The following PRKAR1B variants were observed in gnomAD, a reference collection of about 807,000 sequenced individuals.
PRKAR1B encodes the protein protein kinase cAMP-dependent type I regulatory subunit beta, also known as cAMP-dependent protein kinase type I-beta regulatory subunit.
PRKAR1B carries 22 observed loss-of-function variants against 46.5 expected under a neutral mutation model. The ratio of observed to expected loss-of-function variants is 0.47; its 90% CI spans 0.34 to 0.68. The LOEUF is 0.68. Ranked by LOEUF, PRKAR1B falls within the 30% of genes least tolerant of loss-of-function variation. The pLI is 0.01. For missense variants in PRKAR1B, 445 were observed against 535.6 expected (o/e 0.83, Z 1.67); for synonymous variants, 259 against 217.7 (o/e 1.19, Z -1.67).
intron 4 of PRKAR1B, among the ~76,000 whole-genome samples, chr7:657,502 C>T (rs1449417390): frequency 1.3e-5 from 2 of 152,152 alleles, no homozygotes; most frequent in Admixed American, 1.3e-4. Flanking sequence ...CAGAGGACTT[C>T]GTGTCTCTGG....
At chr7:561,274 GCACA>G (rs201104071) in intron 9 of PRKAR1B, among the ~76,000 whole-genome samples, 116 of 150,222 alleles carry the variant, frequency 7.7e-4, no homozygotes, top group African/African-American at 1.5e-3. Flanking sequence ...ACACGCCTGT[GCACA>G]CACACACACA....
intron 2 of PRKAR1B, among the ~76,000 whole-genome samples, chr7:688,345 G>A (rs151171049): frequency 5.8e-4 from 85 of 147,262 alleles, no homozygotes; most frequent in Admixed American, 8.8e-4. Context: ...TGGAGGTTGC[G>A]GTGAGCCAAG....
At chr7:664,318 C>T (rs1785784611) in intron 4 of PRKAR1B, among the ~76,000 whole-genome samples, 1 of 152,218 alleles carries the variant, frequency 6.6e-6, no homozygotes, top group Non-Finnish European at 1.5e-5. Context: ...CGACACAGCA[C>T]AGTGGCCAGT....
intron 2 of PRKAR1B, among the ~76,000 whole-genome samples, chr7:700,339 C>T (rs1432429585): frequency 1.3e-5 from 2 of 152,192 alleles, no homozygotes; most frequent in African/African-American, 2.4e-5. Context: ...GCATGGACCT[C>T]GTCAATTGAT....
At chr7:712,329 G>C (rs1468538872) in intron 1 of PRKAR1B, 1 of 147,358 alleles carries the variant, frequency 6.8e-6, no homozygotes, top group Admixed American at 6.7e-5. Context: ...TCCCGGCGGG[G>C]CCGAACCCTT....
chr7:712,914 G>C, intron 1 of PRKAR1B: 1 of 152,462 alleles, frequency 6.6e-6, no homozygotes, highest in Admixed American at 6.5e-5. Context: ...CGTTCCCTGG[G>C]GTCTCACTCT....
At chr7:638,505 A>G (rs1359361031) in intron 4 of PRKAR1B, among the ~76,000 whole-genome samples, 1 of 152,194 alleles carries the variant, frequency 6.6e-6, no homozygotes, top group Non-Finnish European at 1.5e-5. Flanking sequence ...CACGGGGCAC[A>G]GGGCTCTCTC....
At chr7:685,701 A>C (rs1779058282) in intron 2 of PRKAR1B, among the ~76,000 whole-genome samples, 1 of 151,976 alleles carries the variant, frequency 6.6e-6, no homozygotes, top group Non-Finnish European at 1.5e-5. Context: ...ATACTAGAGG[A>C]CAATGAAACG....
intron 8 of PRKAR1B, among the ~76,000 whole-genome samples, chr7:582,215 C>T (rs1273470623): frequency 6.6e-6 from 1 of 152,266 alleles, no homozygotes; most frequent in Non-Finnish European, 1.5e-5. Context: ...ACTTGCAGCT[C>T]CCATGTGGGC....
At chr7:606,097 G>A (rs935596581) in intron 6 of PRKAR1B, 96 bp downstream of exon 6, 12 of 1,174,298 alleles carry the variant, frequency 1.0e-5, no homozygotes, top group Non-Finnish European at 1.5e-5. Flanking sequence ...ACTCAGCGCA[G>A]TGTTTGTTGG....
At chr7:694,533 G>A (rs1031356313) in intron 2 of PRKAR1B, among the ~76,000 whole-genome samples, 6 of 152,146 alleles carry the variant, frequency 3.9e-5, no homozygotes, top group African/African-American at 9.7e-5. Context: ...CCCAGGCGAT[G>A]TGCCTGGCGA....
chr7:624,086 T>G (rs1313939022), intron 4 of PRKAR1B, among the ~76,000 whole-genome samples: 1 of 152,208 alleles, frequency 6.6e-6, no homozygotes. Flanking sequence ...CCACTTTGGA[T>G]GAAGACCAGC....
intron 4 of PRKAR1B, among the ~76,000 whole-genome samples, chr7:641,077 C>T (rs1233336604): frequency 6.6e-6 from 1 of 152,018 alleles, no homozygotes. Flanking sequence ...CTCTGCCTTC[C>T]GAGTAGCTGG....
In PRKAR1B at chr7:726,837, G is replaced by C. The variant is rs1045520098; in HGVS notation, c.-23+373C>G. 3 of 1,327,900 alleles carry C rather than the reference G, an allele frequency of 2.3e-6. No individual in the cohort carries two copies. The East Asian group carries it at 9.4e-5, about 42-fold the overall frequency. The allele number at this position is 1,327,900 out of a possible 1,614,324, so 82.3% of individuals were successfully genotyped here. A position where few individuals can be genotyped will look rare whatever the true frequency, so the allele number is the denominator to read the frequency against. ...TGAGCCGCCTGCTGCCGGGGCTGGA[G>C]GCCGACAGCAAGCCGGGCCGGCGGC... On this transcript the variant is annotated intron_variant, in intron 1 of 10. Transcript: ENST00000537384.
intron 4 of PRKAR1B, among the ~76,000 whole-genome samples, chr7:632,809 C>T (rs531262825): frequency 6.6e-6 from 1 of 151,938 alleles, no homozygotes; most frequent in African/African-American, 2.4e-5. Context: ...CCGTGGGCCA[C>T]ACCCGCAACA....
intron 9 of PRKAR1B, among the ~76,000 whole-genome samples, chr7:573,856 G>A (rs906185028): frequency 3.3e-5 from 5 of 152,152 alleles, no homozygotes; most frequent in Non-Finnish European, 7.4e-5. Flanking sequence ...CCCCTCGCCG[G>A]TCCCCACACC....
intron 2 of PRKAR1B, among the ~76,000 whole-genome samples, chr7:708,005 AG>A (rs1780423949): frequency 6.7e-6 from 1 of 149,886 alleles, no homozygotes; most frequent in Non-Finnish European, 1.5e-5. Context: ...GGACCACCCA[AG>A]ATGATCACCA....
chr7:727,314 C>T (rs942126684), upstream of PRKAR1B: 8 of 1,283,310 alleles, frequency 6.2e-6, no homozygotes, highest in Middle Eastern at 3.0e-4. Context: ...AGGCCACGCC[C>T]GGTGAGCACC....
chr7:680,916 CTT>C (rs1461767090), intron 2 of PRKAR1B, among the ~76,000 whole-genome samples, 190 bp from the exon 3 acceptor site: 7 of 152,140 alleles, frequency 4.6e-5, no homozygotes, highest in Non-Finnish European at 8.8e-5. Context: ...CCAAATTTCA[CTT>C]TGTGTCCCCA....
Sources: gnomAD v4.1 joint callset for allele counts (sites outside exome capture counted in the v4.1 genomes callset) on GRCh38, gnomAD v4.1.1 for gene constraint, MANE v1.5 for transcripts, NCBI Gene and HGNC (gene_info 2026-07-23, HGNC 2026-07-21) for gene names.